PRUNE2: variants seen among roughly 807,000 people sequenced by gnomAD.
The protein encoded by PRUNE2 is prune homolog 2 with BCH domain.
A neutral mutation model predicts 252.0 loss-of-function variants in PRUNE2; 164 were observed. That is an observed-to-expected ratio of 0.65 (90% CI 0.57 to 0.74). The LOEUF is 0.74. Ranked by LOEUF, PRUNE2 falls within the 30% of genes least tolerant of loss-of-function variation. The pLI, the probability that PRUNE2 is intolerant of heterozygous loss-of-function variation, is 0.00. For missense variants in PRUNE2, 3,495 were observed against 3,711.0 expected (o/e 0.94, Z 1.51); for synonymous variants, 1,292 against 1,350.2 (o/e 0.96, Z 0.94).
In PRUNE2 at chr9:76,846,601, CG is replaced by C; in HGVS notation, c.421del (p.Arg141GlufsTer9). The C allele has an allele frequency of 6.2e-7, 1 of 1,614,002 alleles. No individual in the cohort carries two copies. Among genetic ancestry groups the C allele is most frequent in the Non-Finnish European group, 8.5e-7 (1 of 1,179,890 alleles). On this transcript the variant is annotated frameshift_variant, in exon 4 of 19. Transcript: ENST00000376718. LOFTEE classifies it high-confidence loss of function. ...VEQSDANVEF[R>X]ESSSSLVLKE... ...TAGCACGAGAGAAGAGGAAGACTCT[CG>C]GAACTCAACGTTGGCATCGCTCTGC...
chr9:76,802,869 C>T (rs2056656982), intron 6 of PRUNE2, among the ~76,000 whole-genome samples: 1 of 152,120 alleles, frequency 6.6e-6, no homozygotes, highest in Non-Finnish European at 1.5e-5. Flanking sequence ...TGCCACAAAA[C>T]TCAGCCCTGG....
chr9:76,721,584 C>G (rs960708835), intron 6 of PRUNE2, among the ~76,000 whole-genome samples: 1 of 152,076 alleles, frequency 6.6e-6, no homozygotes, highest in Non-Finnish European at 1.5e-5. Flanking sequence ...TAGTAAAATG[C>G]TTGCAGATAA....
intron 12 of PRUNE2, 129 bp downstream of exon 12, chr9:76,644,610 C>T: frequency 1.2e-6 from 1 of 825,942 alleles, no homozygotes; most frequent in African/African-American, 1.7e-5. Context: ...CTCTATAGTT[C>T]CCTGAATATT....
intron 1 of PRUNE2, among the ~76,000 whole-genome samples, chr9:76,855,183 G>C (rs915568919): frequency 1.3e-5 from 2 of 150,906 alleles, no homozygotes; most frequent in African/African-American, 4.9e-5. Context: ...TTTGTGGAAG[G>C]CTGACATTCT....
At chr9:76,657,766 A>G (rs1849782711) in intron 9 of PRUNE2, among the ~76,000 whole-genome samples, 1 of 152,236 alleles carries the variant, frequency 6.6e-6, no homozygotes, top group South Asian at 2.1e-4. Context: ...TAATTAAAGT[A>G]TGTGTCATGG....
chr9:76,834,816 G>A (rs908574306), intron 4 of PRUNE2, among the ~76,000 whole-genome samples: 4 of 152,066 alleles, frequency 2.6e-5, no homozygotes, highest in Non-Finnish European at 5.9e-5. Flanking sequence ...CTCATCTTTG[G>A]CAAATTTTTC....
chr9:76,653,485 A>C (rs1403278031), intron 10 of PRUNE2, among the ~76,000 whole-genome samples: 2 of 152,202 alleles, frequency 1.3e-5, no homozygotes, highest in African/African-American at 4.8e-5. Context: ...CAGGAAAAAA[A>C]GTTTGTACAT....
intron 6 of PRUNE2, among the ~76,000 whole-genome samples, chr9:76,740,922 C>T (rs1317970138): frequency 6.6e-6 from 1 of 152,202 alleles, no homozygotes; most frequent in Non-Finnish European, 1.5e-5. Flanking sequence ...ATATTGATTT[C>T]TCCTACACTT....
At chr9:76,644,597 T>C in intron 12 of PRUNE2, 142 bp downstream of exon 12, 1 of 774,730 alleles carries the variant, frequency 1.3e-6, no homozygotes, top group Non-Finnish European at 2.3e-6. Flanking sequence ...GAAATATACT[T>C]AGCTCTATAG....
intron 6 of PRUNE2, among the ~76,000 whole-genome samples, chr9:76,744,078 C>T (rs931706887): frequency 1.3e-5 from 2 of 152,156 alleles, no homozygotes; most frequent in Admixed American, 6.5e-5. Flanking sequence ...TTAACTGAGG[C>T]GCCTTCAGCA....
rs537859033 is a variant in PRUNE2, at chr9:76,725,305, T to C, written c.757-11584A>G. On this transcript the variant is annotated intron_variant, in intron 6 of 18. Transcript: ENST00000376718. The stretch of plus-strand genomic sequence containing the variant: ...GACCAAATGAAGATCAAACTGTCTC[T>C]TTTGTTCCTCACGCTCCTTGCATGG... Among the ~76,000 whole-genome samples, 6 of 152,366 alleles carry C rather than the reference T, an allele frequency of 3.9e-5. No individual in the cohort carries two copies. In the East Asian group the frequency reaches 1.2e-3, roughly 29 times the overall value.
intron 6 of PRUNE2, among the ~76,000 whole-genome samples, chr9:76,734,960 G>A (rs1039702449): frequency 4.6e-5 from 7 of 152,158 alleles, no homozygotes; most frequent in African/African-American, 1.4e-4. Flanking sequence ...TGTCCCTGAG[G>A]ATGAGGACAA....
chr9:76,636,740 C>A (rs902247207), intron 14 of PRUNE2, among the ~76,000 whole-genome samples, 183 bp from the exon 15 acceptor site: 3 of 152,032 alleles, frequency 2.0e-5, no homozygotes, highest in African/African-American at 7.2e-5. Context: ...GAGTTTGAGA[C>A]TGGCCTGGCC....
intron 3 of PRUNE2, among the ~76,000 whole-genome samples, chr9:76,848,495 T>C (rs2059786776): frequency 6.6e-6 from 1 of 152,216 alleles, no homozygotes; most frequent in Non-Finnish European, 1.5e-5. Flanking sequence ...AATTGCATAA[T>C]AGATATCACA....
rs61709678 is a variant in PRUNE2 at position 76,770,504 on chromosome 9, C to T, written c.756+53128G>A. Among the ~76,000 whole-genome samples the T allele has an allele frequency of 8.9e-4, 135 of 152,066 alleles. 1 individual carries two copies. Among genetic ancestry groups the T allele is most frequent in the African/African-American group, 3.2e-3 (133 of 41,496 alleles). Reference sequence around the variant, plus strand: ...AGGACTCAGGATCTGAAATGTTATCCTTTCATGAAATTGACATTCATCTAA... The same window carrying T: ...AGGACTCAGGATCTGAAATGTTATCTTTTCATGAAATTGACATTCATCTAA... On this transcript the variant is annotated intron_variant, in intron 6 of 18. Coordinates refer to ENST00000376718, the MANE Select transcript of PRUNE2 (RefSeq NM_015225.3).
intron 9 of PRUNE2, among the ~76,000 whole-genome samples, chr9:76,693,894 G>A (rs2045091512): frequency 6.6e-6 from 1 of 152,208 alleles, no homozygotes; most frequent in South Asian, 2.1e-4. Context: ...CTATGAAGGA[G>A]ACGGGGGTGG....
intron 15 of PRUNE2, among the ~76,000 whole-genome samples, chr9:76,633,805 A>G (rs887343742): frequency 2.0e-5 from 3 of 151,722 alleles, no homozygotes; most frequent in African/African-American, 7.3e-5. Context: ...TTTCCTATAT[A>G]ATGGAAATAG....
intron 6 of PRUNE2, among the ~76,000 whole-genome samples, chr9:76,721,825 T>G (rs1010740696): frequency 1.3e-5 from 2 of 152,226 alleles, no homozygotes; most frequent in Non-Finnish European, 2.9e-5. Context: ...TGCTGAGGTA[T>G]GTACACAAAT....
chr9:76,892,963 A>G (rs2062577428), intron 1 of PRUNE2, among the ~76,000 whole-genome samples: 1 of 152,212 alleles, frequency 6.6e-6, no homozygotes, highest in African/African-American at 2.4e-5. Context: ...TCACACCTCT[A>G]ATTTCAACAT....
Sources: allele counts gnomAD v4.1 joint callset (sites outside exome capture counted in the v4.1 genomes callset), GRCh38; gene constraint gnomAD v4.1.1; transcripts MANE v1.5; gene names NCBI Gene and HGNC (gene_info 2026-07-23, HGNC 2026-07-21).